Variants in ARHGEF28 observed in about 807,000 individuals in gnomAD.
ARHGEF28 encodes Rho guanine nucleotide exchange factor 28, also known as 190 kDa guanine nucleotide exchange factor.
Under a neutral mutation model 206.6 loss-of-function variants are expected in ARHGEF28, and 152 were observed. The observed-to-expected ratio is 0.74, with a 90% CI of 0.64 to 0.84. The LOEUF is 0.84. ARHGEF28 is among the 40% of genes least tolerant of loss of function. The pLI, the probability that ARHGEF28 is intolerant of heterozygous loss-of-function variation, is 0.00. For synonymous variants in ARHGEF28, 763 were observed against 776.4 expected, an observed-to-expected ratio of 0.98 and a Z score of 0.29; for missense variants, 2,028 against 2,073.2, an observed-to-expected ratio of 0.98 and a Z score of 0.42.
At chr5:73,808,112 GT>G (rs1242715453) in intron 9 of ARHGEF28, among the ~76,000 whole-genome samples, 2 of 152,038 alleles carry the variant, frequency 1.3e-5, no homozygotes, top group South Asian at 2.1e-4. Context: ...CAAACATTTT[GT>G]TTTAAGCAAG....
chr5:73,746,288 T>C (rs1207053474), intron 2 of ARHGEF28, among the ~76,000 whole-genome samples: 1 of 152,100 alleles, frequency 6.6e-6, no homozygotes, highest in Non-Finnish European at 1.5e-5. Flanking sequence ...AGTAGATGAA[T>C]ATTTAAGTAA....
At position 73,857,653 on chromosome 5, in the gene ARHGEF28, T is replaced by C; in HGVS notation, c.1791-3T>C. On this transcript the variant is annotated splice_polypyrimidine_tract_variant and splice_region_variant and intron_variant, in intron 14 of 35. Transcript: ENST00000513042. Reference sequence around the variant, plus strand: ...GCCATGATAACAGATTCTGTTTTTGTAGAATTCAGGAAGAAGAATGGGATA... The same window carrying C: ...GCCATGATAACAGATTCTGTTTTTGCAGAATTCAGGAAGAAGAATGGGATA... 6.4e-7 allele frequency: 1 copy of C among 1,564,220 alleles called. No homozygotes were observed. The highest frequency in any genetic ancestry group is 1.2e-5 in the South Asian group (1 of 84,936).
At chr5:73,820,733 G>A (rs567085379) in intron 9 of ARHGEF28, among the ~76,000 whole-genome samples, 1 of 152,238 alleles carries the variant, frequency 6.6e-6, no homozygotes, top group South Asian at 2.1e-4. Context: ...TTCATGGCAG[G>A]CCACAGGTGC....
intron 2 of ARHGEF28, among the ~76,000 whole-genome samples, chr5:73,699,159 G>A (rs1748421395): frequency 6.6e-6 from 1 of 152,002 alleles, no homozygotes; most frequent in Non-Finnish European, 1.5e-5. Flanking sequence ...AGCTGTGTGT[G>A]TGTGTGTATG....
chr5:73,699,171 G>C (rs2112281166), intron 2 of ARHGEF28, among the ~76,000 whole-genome samples: 1 of 152,076 alleles, frequency 6.6e-6, no homozygotes, highest in South Asian at 2.1e-4. Context: ...GTGTGTATGT[G>C]TGTGTGTGTG....
chr5:73,917,706 A>G (rs1002597683), intron 35 of ARHGEF28, among the ~76,000 whole-genome samples: 3 of 152,232 alleles, frequency 2.0e-5, no homozygotes, highest in Non-Finnish European at 4.4e-5. Flanking sequence ...TTTAATTTGG[A>G]CAAGCTGCTG....
chr5:73,734,617 A>G (rs190259105), intron 2 of ARHGEF28, among the ~76,000 whole-genome samples: 1 of 152,156 alleles, frequency 6.6e-6, no homozygotes, highest in African/African-American at 2.4e-5. Context: ...GTACCACTTT[A>G]TATCCCAGAA....
At chr5:73,750,313 C>T (rs1482512164) in intron 3 of ARHGEF28, among the ~76,000 whole-genome samples, 1 of 152,106 alleles carries the variant, frequency 6.6e-6, no homozygotes, top group Non-Finnish European at 1.5e-5. Flanking sequence ...TAATCACCTC[C>T]TATAACCTCA....
chr5:73,901,148 G>A (rs1049270939), intron 30 of ARHGEF28, 36 bp from the exon 31 acceptor site: 1 of 1,584,048 alleles, frequency 6.3e-7, no homozygotes, highest in Admixed American at 1.7e-5. Context: ...GTTTGACGCT[G>A]TCCTTTTTGT....
intron 29 of ARHGEF28, 65 bp downstream of exon 29, chr5:73,894,640 G>A (rs1217749426): frequency 1.3e-6 from 2 of 1,546,998 alleles, no homozygotes; most frequent in African/African-American, 1.4e-5. Flanking sequence ...CACCTGCTAA[G>A]TGCCATGCAC....
chr5:73,832,272 G>A (rs1757344182), intron 9 of ARHGEF28, 66 bp from the exon 10 acceptor site: 3 of 1,572,340 alleles, frequency 1.9e-6, no homozygotes, highest in African/African-American at 2.7e-5. Context: ...GTCTAAGAAG[G>A]TAAAGCTTGA....
intron 4 of ARHGEF28, among the ~76,000 whole-genome samples, chr5:73,767,838 G>C (rs1407460399): frequency 6.6e-6 from 1 of 152,176 alleles, no homozygotes; most frequent in Admixed American, 6.5e-5. Context: ...ATGTCAGAGG[G>C]CTTCATGGGA....
rs144881818 is a variant in ARHGEF28 at position 73,865,907 on chromosome 5, T to A, written c.2104-58T>A. ...CTGTTCTGTGTAACTATGTGGATATTCTTATAGTCTAATGATACTTTGATC... is the reference window on the plus strand; with the variant it reads ...CTGTTCTGTGTAACTATGTGGATATACTTATAGTCTAATGATACTTTGATC... On this transcript the variant is annotated intron_variant, in intron 17 of 35. Coordinates refer to ENST00000513042, the MANE Select transcript of ARHGEF28 (RefSeq NM_001177693.2). The A allele has an allele frequency of 1.1e-4, 137 of 1,229,792 alleles. 1 individual carries two copies. In the Middle Eastern group the frequency reaches 2.4e-3, roughly 22 times the overall value. 76.2% of individuals were successfully genotyped at this position (1,229,792 alleles called of 1,614,324 possible).
At chr5:73,829,746 A>G (rs1163847561) in intron 9 of ARHGEF28, among the ~76,000 whole-genome samples, 1 of 152,182 alleles carries the variant, frequency 6.6e-6, no homozygotes, top group Admixed American at 6.5e-5. Context: ...ATTTTTCTTA[A>G]TCTTAGGTAT....
At chr5:73,759,803 T>G (rs1447449988) in intron 4 of ARHGEF28, among the ~76,000 whole-genome samples, 1 of 152,172 alleles carries the variant, frequency 6.6e-6, no homozygotes, top group Non-Finnish European at 1.5e-5. Flanking sequence ...AACTACTCAT[T>G]TTATGTGACA....
chr5:73,703,727 A>G (rs1748741657), intron 2 of ARHGEF28, among the ~76,000 whole-genome samples: 1 of 151,064 alleles, frequency 6.6e-6, no homozygotes, highest in African/African-American at 2.4e-5. Flanking sequence ...CTTTTTTACA[A>G]GTCTTGGTTG....
At chr5:73,728,978 A>G (rs1750444199) in intron 2 of ARHGEF28, among the ~76,000 whole-genome samples, 1 of 152,250 alleles carries the variant, frequency 6.6e-6, no homozygotes, top group Non-Finnish European at 1.5e-5. Context: ...AGCCCTGGAT[A>G]TGATAAGAGG....
chr5:73,912,814 T>C (rs1762979548), intron 35 of ARHGEF28, among the ~76,000 whole-genome samples: 2 of 152,238 alleles, frequency 1.3e-5, no homozygotes. Flanking sequence ...AGAATTCTTT[T>C]TCTAAGCACA....
chr5:73,724,843 G>A (rs1019961836), intron 2 of ARHGEF28, among the ~76,000 whole-genome samples: 2 of 152,142 alleles, frequency 1.3e-5, no homozygotes, highest in African/African-American at 4.8e-5. Flanking sequence ...TACAAATAGA[G>A]CTGCCATAAC....
Sources: allele counts gnomAD v4.1 joint callset (sites outside exome capture counted in the v4.1 genomes callset), GRCh38; gene constraint gnomAD v4.1.1; transcripts MANE v1.5; gene names NCBI Gene and HGNC (gene_info 2026-07-23, HGNC 2026-07-21).